Variants in CLASP1 observed in about 807,000 individuals in gnomAD.
CLASP1 encodes the protein cytoplasmic linker associated protein 1.
CLASP1 carries 38 observed loss-of-function variants against 192.3 expected under a neutral mutation model. The ratio of observed to expected loss-of-function variants is 0.20; its 90% CI spans 0.15 to 0.26. The LOEUF (loss-of-function observed/expected upper bound fraction) is 0.26, where lower values mean the gene tolerates loss of function less well. Ranked by LOEUF, CLASP1 falls within the 10% of genes least tolerant of loss-of-function variation. CLASP1 has a pLI of 1.00. For synonymous variants in CLASP1, 691 were observed against 712.8 expected, an observed-to-expected ratio of 0.97 and a Z score of 0.49; for missense variants, 1,433 against 1,932.5, an observed-to-expected ratio of 0.74 and a Z score of 4.85.
intron 14 of CLASP1, among the ~76,000 whole-genome samples, chr2:121,455,151 G>A (rs569937008): frequency 8.5e-5 from 13 of 152,306 alleles, no homozygotes; most frequent in Admixed American, 5.2e-4. Flanking sequence ...CCTGGGGTAC[G>A]CACTTGAGCC....
At chr2:121,407,814 T>A (rs753367778) in intron 24 of CLASP1, 99 bp from the exon 26 acceptor site, 5 of 1,370,212 alleles carry the variant, frequency 3.6e-6, no homozygotes, top group Non-Finnish European at 5.2e-6. Flanking sequence ...AAGAGTTAAG[T>A]GTAAAAAGAC....
chr2:121,340,264 T>C (rs2149070992), exon 40 of CLASP1: 1 of 152,422 alleles, frequency 6.6e-6, no homozygotes, highest in African/African-American at 2.4e-5. Context: ...GCAGTCGGCC[T>C]CCAGTCTGGA....
intron 1 of CLASP1, among the ~76,000 whole-genome samples, chr2:121,636,338 A>AAT: frequency 7.2e-6 from 1 of 138,164 alleles, no homozygotes; most frequent in African/African-American, 2.8e-5. Context: ...TCCATTTCAA[A>AAT]AATAATAATA....
intron 1 of CLASP1, among the ~76,000 whole-genome samples, chr2:121,629,602 C>A (rs990822909): frequency 1.7e-4 from 26 of 151,584 alleles, no homozygotes; most frequent in Admixed American, 1.4e-3. Context: ...ACCAGCCTGG[C>A]CAACATGGTG....
intron 37 of CLASP1, among the ~76,000 whole-genome samples, chr2:121,361,408 T>G (rs2066379987): frequency 6.6e-6 from 1 of 152,192 alleles, no homozygotes; most frequent in Non-Finnish European, 1.5e-5. Flanking sequence ...AATTATGGTT[T>G]AAAAAAGTTA....
chr2:121,599,226 A>G (rs956066003), intron 2 of CLASP1, among the ~76,000 whole-genome samples: 1 of 151,866 alleles, frequency 6.6e-6, no homozygotes, highest in Non-Finnish European at 1.5e-5. Context: ...GAAAAGGAAT[A>G]ACAACACGCA....
At chr2:121,615,390 G>A (rs1291876216) in intron 1 of CLASP1, among the ~76,000 whole-genome samples, 1 of 151,984 alleles carries the variant, frequency 6.6e-6, no homozygotes, top group Non-Finnish European at 1.5e-5. Flanking sequence ...AACAGCATAA[G>A]TAAAATGAGG....
intron 2 of CLASP1, among the ~76,000 whole-genome samples, chr2:121,544,731 GAACTGGGTC>G (rs148409304): frequency 0.028 from 4,210 of 151,900 alleles, 78 homozygotes; most frequent in Non-Finnish European, 0.044. Context: ...CATACAAAAA[GAACTGGGTC>G]AGTAAACAAG....
chr2:121,462,432 C>T (rs190331619), intron 10 of CLASP1, 100 bp downstream of exon 10: 8 of 663,550 alleles, frequency 1.2e-5, no homozygotes, highest in South Asian at 4.1e-5. Flanking sequence ...GTTAAAATTA[C>T]CTGACCTAGT....
intron 2 of CLASP1, among the ~76,000 whole-genome samples, chr2:121,568,905 G>A (rs1365663031): frequency 6.6e-6 from 1 of 151,744 alleles, no homozygotes; most frequent in Non-Finnish European, 1.5e-5. Context: ...ATAGTTTGGA[G>A]GAATAGAATT....
In CLASP1 at chr2:121,504,437, A is replaced by T. The variant is rs556542279; in HGVS notation, c.645-1203T>A. ...GAATGGAAGCTCCTTAGGGGTAGAGATGTGAGCTACATTCTTTTGGTATTT... is the reference window on the plus strand; with the variant it reads ...GAATGGAAGCTCCTTAGGGGTAGAGTTGTGAGCTACATTCTTTTGGTATTT... On this transcript the variant is annotated intron_variant, in intron 7 of 39. Transcript: ENST00000263710. 2.6e-5 allele frequency among the ~76,000 whole-genome samples: 4 copies of T among 152,268 alleles called. No homozygotes were observed. In the East Asian group the frequency reaches 7.7e-4, roughly 29 times the overall value.
At chr2:121,555,692 C>CT (rs761496065) in intron 2 of CLASP1, among the ~76,000 whole-genome samples, 14 of 151,934 alleles carry the variant, frequency 9.2e-5, no homozygotes, top group Non-Finnish European at 1.8e-4. Context: ...AGCATAATGT[C>CT]TTTTTTTTCC....
chr2:121,432,939 T>C (rs922770439), intron 19 of CLASP1, among the ~76,000 whole-genome samples: 2 of 152,154 alleles, frequency 1.3e-5, no homozygotes, highest in East Asian at 1.9e-4. Context: ...TAATGCAAAA[T>C]AGAAGCAGTG....
intron 2 of CLASP1, among the ~76,000 whole-genome samples, chr2:121,536,378 G>GAAAAAAAA (rs59632661): frequency 1.2e-4 from 6 of 48,298 alleles, no homozygotes; most frequent in African/African-American, 5.2e-4. Flanking sequence ...AAGACTGTCT[G>GAAAAAAAA]AAAAAAAAAA....
At chr2:121,538,267 C>T (rs1388745342) in intron 2 of CLASP1, among the ~76,000 whole-genome samples, 1 of 151,626 alleles carries the variant, frequency 6.6e-6, no homozygotes, top group Admixed American at 6.6e-5. Flanking sequence ...ACAAAATTAG[C>T]CGGGCGTGGT....
At chr2:121,382,171 GTGA>G in intron 33 of CLASP1, 34 bp downstream of exon 34, 1 of 1,495,452 alleles carries the variant, frequency 6.7e-7, no homozygotes, top group East Asian at 2.3e-5. Context: ...CAATAATATT[GTGA>G]CACCTCAGAC....
rs13402483 is a variant in CLASP1, at chr2:121,489,149, C to G, written c.712+14018G>C. On this transcript the variant is annotated intron_variant, in intron 8 of 39. Coordinates refer to ENST00000263710, the Ensembl canonical transcript of CLASP1. ...ACTTCAGAACATGAATTATTTAACT[C>G]TCCTGCCCAGGTATTGATTTCCTGC... is the stretch of plus-strand genomic sequence containing the variant. 8.5e-3 allele frequency among the ~76,000 whole-genome samples: 1,290 copies of G among 152,274 alleles called. 14 individuals are homozygous for G. Among genetic ancestry groups the G allele is most frequent in the African/African-American group, 0.029 (1,191 of 41,546 alleles).
chr2:121,449,157 G>A (rs747013341), intron 16 of CLASP1, 37 bp from the exon 17 acceptor site: 3 of 1,593,998 alleles, frequency 1.9e-6, no homozygotes, highest in African/African-American at 2.7e-5. Flanking sequence ...CTAATTCAAG[G>A]ATCCAAACAG....
At chr2:121,370,768 C>T (rs146076344) in intron 34 of CLASP1, among the ~76,000 whole-genome samples, 2 of 152,350 alleles carry the variant, frequency 1.3e-5, no homozygotes, top group Non-Finnish European at 2.9e-5. Context: ...GCACTCCCCC[C>T]ACTCCACCTG....
Sources: gnomAD v4.1 joint callset for allele counts (sites outside exome capture counted in the v4.1 genomes callset) on GRCh38, gnomAD v4.1.1 for gene constraint, MANE v1.5 for transcripts, NCBI Gene and HGNC (gene_info 2026-07-23, HGNC 2026-07-21) for gene names.